The following RNLS variants were observed in gnomAD, a reference collection of about 807,000 sequenced individuals.
RNLS encodes the protein renalase, FAD dependent amine oxidase, also known as renalase.
In RNLS, 39 loss-of-function variants were observed where a neutral mutation model predicts 39.8. The observed-to-expected ratio is 0.98, with a 90% CI of 0.76 to 1.28. The LOEUF (loss-of-function observed/expected upper bound fraction) is 1.28. RNLS is among the 50% of genes most tolerant of loss of function. The pLI, the probability that RNLS is intolerant of heterozygous loss-of-function variation, is 0.00. For synonymous variants in RNLS, 147 were observed against 150.7 expected (o/e 0.98, Z 0.18); for missense variants, 410 against 413.3 (o/e 0.99, Z 0.07).
At chr10:88,407,249 C>T (rs780111219) in intron 4 of RNLS, among the ~76,000 whole-genome samples, 4 of 151,974 alleles carry the variant, frequency 2.6e-5, no homozygotes, top group African/African-American at 7.2e-5. Flanking sequence ...ATGTGGAATA[C>T]GCCAGCCCAC....
chr10:88,302,661 A>C (rs1385825320), intron 6 of RNLS, among the ~76,000 whole-genome samples: 2 of 152,228 alleles, frequency 1.3e-5, no homozygotes, highest in African/African-American at 2.4e-5. Context: ...CCAACTGATG[A>C]TATGTTGAAG....
chr10:88,331,363 G>A (rs1033622302), intron 5 of RNLS, among the ~76,000 whole-genome samples: 10 of 152,118 alleles, frequency 6.6e-5, no homozygotes, highest in African/African-American at 2.4e-4. Context: ...TTTAAGGAGT[G>A]GAAGACTTTA....
At chr10:88,413,997 C>G (rs1287707468) in intron 4 of RNLS, among the ~76,000 whole-genome samples, 1 of 152,168 alleles carries the variant, frequency 6.6e-6, no homozygotes, top group Non-Finnish European at 1.5e-5. Flanking sequence ...GAAACACTTT[C>G]TATCTGAAGG....
chr10:88,583,072 C>A lies in RNLS; in HGVS notation c.118+1G>T. 2.5e-6 allele frequency: 4 copies of A among 1,611,276 alleles called. No homozygotes were observed. The highest frequency in any genetic ancestry group is 3.4e-6 in the Non-Finnish European group (4 of 1,178,296). ...CAGGTTTTGGCGTTTAGACAACCCA[C>A]CTGAGTCCTCAGCCTTGTCCCACAC... is the stretch of plus-strand genomic sequence containing the variant. On this transcript the variant is annotated splice_donor_variant, in intron 1 of 6. Coordinates refer to ENST00000331772, the MANE Select transcript of RNLS (RefSeq NM_001031709.3). LOFTEE classifies it high-confidence loss of function.
At chr10:88,507,533 T>A (rs1387240502) in intron 4 of RNLS, among the ~76,000 whole-genome samples, 1 of 152,144 alleles carries the variant, frequency 6.6e-6, no homozygotes, top group East Asian at 1.9e-4. Context: ...AGCCCATGAT[T>A]TATGGCTCAC....
chr10:88,511,906 T>A (rs1031338412), intron 4 of RNLS, among the ~76,000 whole-genome samples: 6 of 152,216 alleles, frequency 3.9e-5, no homozygotes, highest in African/African-American at 1.4e-4. Context: ...GAAATCCTAT[T>A]TTCGATGCCT....
intron 4 of RNLS, among the ~76,000 whole-genome samples, chr10:88,479,913 T>C (rs768519653): frequency 2.0e-5 from 3 of 152,086 alleles, no homozygotes; most frequent in Non-Finnish European, 4.4e-5. Context: ...TTAAAACTTG[T>C]ATGTCACACT....
chr10:88,446,735 C>G (rs1023794396), intron 4 of RNLS, among the ~76,000 whole-genome samples: 2 of 152,190 alleles, frequency 1.3e-5, no homozygotes, highest in Middle Eastern at 3.4e-3. Context: ...GACCAATATC[C>G]CTGATGAACA....
intron 4 of RNLS, among the ~76,000 whole-genome samples, chr10:88,519,735 C>T (rs954974194): frequency 6.9e-6 from 1 of 145,506 alleles, no homozygotes; most frequent in Admixed American, 6.9e-5. Context: ...ATATATATCA[C>T]ATATATATGA....
intron 4 of RNLS, among the ~76,000 whole-genome samples, chr10:88,385,003 C>T (rs1013781302): frequency 6.6e-6 from 1 of 152,176 alleles, no homozygotes; most frequent in Admixed American, 6.5e-5. Flanking sequence ...GAGGTACCCT[C>T]CTCTATAAAA....
At chr10:88,234,649 C>T in the RNLS span, among the ~76,000 whole-genome samples, 2 of 152,168 alleles carry the variant, frequency 1.3e-5, no homozygotes, top group East Asian at 1.9e-4. Context: ...GTTCAACACC[C>T]TGTGCTCAGC....
chr10:88,464,244 T>C (rs1843088171), intron 4 of RNLS, among the ~76,000 whole-genome samples: 1 of 152,144 alleles, frequency 6.6e-6, no homozygotes, highest in Non-Finnish European at 1.5e-5. Context: ...TGGAAATCGA[T>C]ATCATCAGCA....
At chr10:88,193,004 T>A in the RNLS span, among the ~76,000 whole-genome samples, 2 of 152,160 alleles carry the variant, frequency 1.3e-5, no homozygotes, top group African/African-American at 4.8e-5. Context: ...ATTCCTGACA[T>A]CGAAGTATAG....
chr10:88,582,074 AC>A, intron 2 of RNLS, 127 bp downstream of exon 2: 1 of 712,644 alleles, frequency 1.4e-6, no homozygotes, highest in Non-Finnish European at 2.2e-6. Context: ...CTTCCATAAC[AC>A]CAACATAGCA....
chr10:88,317,534 T>C (rs188329731), intron 5 of RNLS, among the ~76,000 whole-genome samples: 38 of 152,352 alleles, frequency 2.5e-4, no homozygotes, highest in African/African-American at 7.7e-4. Flanking sequence ...TTCCTGGGTA[T>C]AGGCAGAGCA....
intron 4 of RNLS, among the ~76,000 whole-genome samples, chr10:88,524,960 CATAT>C (rs772272529): frequency 0.029 from 2,586 of 88,914 alleles, 109 homozygotes; most frequent in East Asian, 0.11. Context: ...CACACACATA[CATAT>C]ATATATATAT....
At chr10:88,275,562 A>C (rs1171309940) in intron 6 of RNLS, among the ~76,000 whole-genome samples, 2 of 152,214 alleles carry the variant, frequency 1.3e-5, no homozygotes, top group African/African-American at 4.8e-5. Context: ...AAAATGGAAG[A>C]GTGTACAGTA....
chr10:88,372,897 C>A (rs887505037), intron 4 of RNLS, among the ~76,000 whole-genome samples: 5 of 152,234 alleles, frequency 3.3e-5, no homozygotes, highest in Admixed American at 2.0e-4. Flanking sequence ...TCCATGCATT[C>A]TAAACTTTTT....
chr10:88,186,850 A>G, the RNLS span, among the ~76,000 whole-genome samples: 1 of 152,120 alleles, frequency 6.6e-6, no homozygotes, highest in Non-Finnish European at 1.5e-5. Context: ...ACCTTAATTT[A>G]TGGAGGCTAT....
Sources: allele counts gnomAD v4.1 joint callset (sites outside exome capture counted in the v4.1 genomes callset), GRCh38; gene constraint gnomAD v4.1.1; transcripts MANE v1.5; gene names NCBI Gene and HGNC (gene_info 2026-07-23, HGNC 2026-07-21).